Variants in SENP7 observed in about 807,000 individuals in gnomAD.
The protein encoded by SENP7 is SUMO specific peptidase 7.
Under a neutral mutation model 141.2 loss-of-function variants are expected in SENP7, and 64 were observed. The ratio of observed to expected loss-of-function variants is 0.45; its 90% CI spans 0.37 to 0.56. The LOEUF is 0.56. Ranked by LOEUF, SENP7 falls within the 20% of genes least tolerant of loss-of-function variation. SENP7 has a pLI of 0.00. For missense variants in SENP7, 1,025 were observed against 1,212.2 expected, an observed-to-expected ratio of 0.85 and a Z score of 2.29; for synonymous variants, 382 against 426.4, an observed-to-expected ratio of 0.90 and a Z score of 1.28.
At chr3:101,470,688 T>C (rs1344835967) in intron 3 of SENP7, among the ~76,000 whole-genome samples, 1 of 152,126 alleles carries the variant, frequency 6.6e-6, no homozygotes, top group Non-Finnish European at 1.5e-5. Flanking sequence ...GAGTATTCAA[T>C]TAGGAAATGA....
chr3:101,412,431 A>C (rs2061482042), intron 5 of SENP7, among the ~76,000 whole-genome samples: 1 of 152,114 alleles, frequency 6.6e-6, no homozygotes, highest in African/African-American at 2.4e-5. Context: ...TATTAAGCTA[A>C]ATTTTAAGTG....
intron 16 of SENP7, among the ~76,000 whole-genome samples, chr3:101,338,472 C>A (rs1436740085): frequency 1.3e-5 from 2 of 152,050 alleles, no homozygotes; most frequent in Admixed American, 6.5e-5. Flanking sequence ...TAGTAATTAA[C>A]CCCTTCATGA....
At chr3:101,496,063 A>G (rs891685933) in intron 2 of SENP7, among the ~76,000 whole-genome samples, 4 of 152,198 alleles carry the variant, frequency 2.6e-5, no homozygotes, top group Non-Finnish European at 5.9e-5. Context: ...AAAAGATTAC[A>G]AGACAGTATT....
intron 4 of SENP7, chr3:101,457,241 T>G: frequency 6.3e-7 from 1 of 1,582,116 alleles, no homozygotes; most frequent in Admixed American, 1.7e-5. Context: ...TTGACTCAAT[T>G]CAGTTTGCCT....
chr3:101,422,889 A>T (rs893378620), intron 4 of SENP7, among the ~76,000 whole-genome samples: 2 of 152,194 alleles, frequency 1.3e-5, no homozygotes, highest in Non-Finnish European at 2.9e-5. Flanking sequence ...TCAATTTTTT[A>T]AAAATTTTTC....
rs146247094 is a variant in SENP7 at position 101,364,835 on chromosome 3, T to G, written c.1475A>C (p.Gln492Pro). Residue 492 changes from glutamine (Q) to proline (P), a missense_variant and splice_region_variant, in exon 10 of 24, where the codon CAG becomes CCG. Gln to Pro is a moderately conservative substitution (Grantham distance 76). Around this residue, in one of 4 missense-constraint regions of SENP7, gnomAD observed 228 missense variants for 228.5 expected, o/e 1.00. Coordinates refer to ENST00000394095, the MANE Select transcript of SENP7 (RefSeq NM_020654.5). ...TATGAGAAGACAGAAATAAATTACC[T>G]GTACAGATTCACATGTAATCAATGG... is the stretch of plus-strand genomic sequence containing the variant. ...ELPLITCESV[Q>P]MSSELCPYNP... 1.3e-6 allele frequency: 2 copies of G among 1,575,084 alleles called. No homozygotes were observed. The highest frequency in any genetic ancestry group is 3.6e-5 in the Admixed American group (2 of 55,486).
rs554903733 is a variant in SENP7, at chr3:101,383,025, T to C, written c.678-10899A>G. ...AACAGAAACTCATATAAGAAATTTT[T>C]TAAAACATATTCACTAAAAATGATT... is the stretch of plus-strand genomic sequence containing the variant. On this transcript the variant is annotated intron_variant, in intron 6 of 23. Transcript: ENST00000394095. Among the ~76,000 whole-genome samples, 4 of 152,304 alleles carry C rather than the reference T, an allele frequency of 2.6e-5. No individual in the cohort carries two copies. The South Asian group carries it at 8.3e-4, about 32-fold the overall frequency.
At chr3:101,345,900 A>T (rs2059442307) in intron 13 of SENP7, among the ~76,000 whole-genome samples, 1 of 152,256 alleles carries the variant, frequency 6.6e-6, no homozygotes, top group Non-Finnish European at 1.5e-5. Flanking sequence ...AATGCAACCA[A>T]AACAACAATA....
chr3:101,509,227 TC>T (rs2065751710), intron 1 of SENP7, among the ~76,000 whole-genome samples: 1 of 152,130 alleles, frequency 6.6e-6, no homozygotes, highest in Non-Finnish European at 1.5e-5. Context: ...AATTTCCTAC[TC>T]AAGCTTGTTC....
intron 12 of SENP7, 75 bp downstream of exon 12, chr3:101,351,543 T>C: frequency 8.8e-7 from 1 of 1,134,830 alleles, no homozygotes; most frequent in Non-Finnish European, 1.2e-6. Context: ...TGAAACATTA[T>C]TAAACTTAGT....
intron 3 of SENP7, among the ~76,000 whole-genome samples, chr3:101,464,500 A>G (rs184235810): frequency 6.6e-6 from 1 of 152,080 alleles, no homozygotes; most frequent in Non-Finnish European, 1.5e-5. Flanking sequence ...CACAAACCCT[A>G]TTATGAACTG....
chr3:101,362,188 A>G (rs56272117), intron 10 of SENP7, among the ~76,000 whole-genome samples: 3,613 of 152,298 alleles, frequency 0.024, 144 homozygotes, highest in African/African-American at 0.082. Context: ...TTGACAGAAG[A>G]AAGTTTTAAA....
intron 23 of SENP7, among the ~76,000 whole-genome samples, chr3:101,326,469 T>C (rs374394738): frequency 1.8e-4 from 27 of 152,280 alleles, no homozygotes; most frequent in African/African-American, 6.5e-4. Context: ...ATAACTCTCA[T>C]GCTTTCAAAG....
At chr3:101,452,975 G>C (rs1426543354) in intron 4 of SENP7, among the ~76,000 whole-genome samples, 1 of 152,096 alleles carries the variant, frequency 6.6e-6, no homozygotes, top group African/African-American at 2.4e-5. Flanking sequence ...ATCTGACAGA[G>C]GGCTAATATC....
intron 1 of SENP7, among the ~76,000 whole-genome samples, chr3:101,507,163 C>A (rs1267919826): frequency 1.3e-5 from 2 of 151,856 alleles, no homozygotes; most frequent in African/African-American, 4.8e-5. Context: ...CCAATACGAG[C>A]ACACACGAAC....
intron 8 of SENP7, 63 bp downstream of exon 8, chr3:101,367,767 A>C: frequency 9.4e-7 from 1 of 1,063,654 alleles, no homozygotes; most frequent in Non-Finnish European, 1.3e-6. Flanking sequence ...ATTTGGCCAC[A>C]GTCAACTCGT....
At position 101,332,051 on chromosome 3, in the gene SENP7, C is replaced by T. The variant is rs1220419848; in HGVS notation, c.2632G>A (p.Asp878Asn). The change falls in exon 19 of 24, where the codon GAT becomes AAT. Residue 878 changes from aspartate (D) to asparagine (N), a missense_variant. Transcript: ENST00000394095. ...TGCTGGGATACAGTTTGTGGAAAATCTTCATACACAGCTTCTTCTAACCAT... is the reference window on the plus strand; with the variant it reads ...TGCTGGGATACAGTTTGTGGAAAATTTTCATACACAGCTTCTTCTAACCAT... ...FPWLEEAVYEDFPQTVSQQSQ... is the reference protein window; with the variant it reads ...FPWLEEAVYENFPQTVSQQSQ... 14 of 1,613,352 alleles carry T rather than the reference C, an allele frequency of 8.7e-6. No homozygotes were observed. The Admixed American group carries it at 1.8e-4, about 21-fold the overall frequency.
In SENP7 at chr3:101,513,115, G is replaced by A. The variant is rs748720475; in HGVS notation, c.16C>T (p.Leu6Phe). 4 of 1,602,266 alleles carry A rather than the reference G, an allele frequency of 2.5e-6. No homozygotes were observed. In the South Asian group the frequency reaches 3.3e-5, roughly 13 times the overall value. The change falls in exon 1 of 24, where the codon CTC (leucine) becomes TTC (phenylalanine). Residue 6 changes from leucine (L) to phenylalanine (F), a missense_variant. By Grantham distance (22) the Leu-to-Phe change is conservative. This residue lies in a region of SENP7 where 496 missense variants were observed against 503.5 expected (regional missense o/e 0.99). Coordinates refer to ENST00000394095, the MANE Select transcript of SENP7 (RefSeq NM_020654.5). Reference sequence around the variant, plus strand: ...CCGGATGAAGATGGCCGTCGCCCGAGCTTTCTCTTGTCCATCTTCTCCCGC... The same window carrying A: ...CCGGATGAAGATGGCCGTCGCCCGAACTTTCTCTTGTCCATCTTCTCCCGC... MDKRK[L>F]GRRPSSSEII...
intron 23 of SENP7, among the ~76,000 whole-genome samples, chr3:101,327,361 T>C (rs1191944728): frequency 6.6e-6 from 1 of 152,078 alleles, no homozygotes; most frequent in Non-Finnish European, 1.5e-5. Context: ...ATTCTCCTGA[T>C]AGTAACTTCT....
Sources: gnomAD v4.1 joint callset for allele counts (sites outside exome capture counted in the v4.1 genomes callset) on GRCh38, gnomAD v4.1.1 for gene constraint, gnomAD v4.1.1 regional missense constraint, MANE v1.5 for transcripts, NCBI Gene and HGNC (gene_info 2026-07-23, HGNC 2026-07-21) for gene names.